Variants in STXBP4 observed in about 807,000 individuals in gnomAD.
STXBP4 encodes the protein syntaxin binding protein 4.
Under a neutral mutation model 76.1 loss-of-function variants are expected in STXBP4, and 55 were observed. The observed-to-expected ratio is 0.72, with a 90% CI of 0.58 to 0.91. STXBP4 has a LOEUF of 0.91. STXBP4 is among the 40% of genes least tolerant of loss of function. The probability of loss-of-function intolerance (pLI) is 0.00; values close to 1 mark genes in which losing one functional copy is unlikely to be tolerated. For missense variants in STXBP4, 618 were observed against 636.9 expected, an observed-to-expected ratio of 0.97 and a Z score of 0.32; for synonymous variants, 201 against 220.2, an observed-to-expected ratio of 0.91 and a Z score of 0.77.
chr17:55,135,386 A>G (rs78896610), intron 16 of STXBP4, among the ~76,000 whole-genome samples: 5 of 152,124 alleles, frequency 3.3e-5, no homozygotes, highest in East Asian at 1.9e-4. Flanking sequence ...TCAAACAACA[A>G]TGATGTATAT....
At chr17:55,132,728 C>T (rs1385948447) in intron 16 of STXBP4, among the ~76,000 whole-genome samples, 3 of 151,600 alleles carry the variant, frequency 2.0e-5, no homozygotes, top group Non-Finnish European at 4.4e-5. Context: ...AGGAAAGAAA[C>T]CAGGTTGAGG....
intron 16 of STXBP4, among the ~76,000 whole-genome samples, chr17:55,114,153 A>G (rs892279235): frequency 6.6e-6 from 1 of 151,746 alleles, no homozygotes; most frequent in African/African-American, 2.4e-5. Context: ...TTATCATTTT[A>G]TCTGTCATTC....
intron 1 of STXBP4, among the ~76,000 whole-genome samples, chr17:54,970,860 T>G (rs1009386181): frequency 1.3e-5 from 2 of 152,222 alleles, no homozygotes; most frequent in African/African-American, 4.8e-5. Context: ...TTGATAGCAA[T>G]GAAGTGGTGT....
intron 3 of STXBP4, among the ~76,000 whole-genome samples, chr17:54,987,368 A>G (rs1405133989): frequency 6.6e-6 from 1 of 152,200 alleles, no homozygotes; most frequent in Non-Finnish European, 1.5e-5. Flanking sequence ...GTATGTACAC[A>G]TGATAATTAT....
chr17:55,123,382 G>A (rs1054610554), intron 16 of STXBP4, among the ~76,000 whole-genome samples: 1 of 152,074 alleles, frequency 6.6e-6, no homozygotes, highest in Non-Finnish European at 1.5e-5. Context: ...TTGCATGCAG[G>A]TTTTTTTCCT....
intron 12 of STXBP4, among the ~76,000 whole-genome samples, chr17:55,061,054 T>A (rs547629136): frequency 6.6e-6 from 1 of 152,296 alleles, no homozygotes; most frequent in South Asian, 2.1e-4. Context: ...GTGTAAAGGT[T>A]GAGTTCAGTT....
intron 1 of STXBP4, among the ~76,000 whole-genome samples, chr17:54,980,832 G>T (rs913478770): frequency 1.3e-5 from 2 of 152,180 alleles, no homozygotes; most frequent in African/African-American, 4.8e-5. Context: ...GTAGAAACAG[G>T]CTTGTCCCAT....
chr17:55,041,927 G>A (rs554595571), intron 10 of STXBP4, among the ~76,000 whole-genome samples: 2 of 152,192 alleles, frequency 1.3e-5, no homozygotes, highest in Admixed American at 6.5e-5. Context: ...TTTAAAATGT[G>A]TTCAAAATTA....
intron 7 of STXBP4, among the ~76,000 whole-genome samples, chr17:55,001,331 G>C (rs2077910612): frequency 6.6e-6 from 1 of 151,812 alleles, no homozygotes; most frequent in Non-Finnish European, 1.5e-5. Context: ...AATTATAAAG[G>C]GTGTCAGTAT....
downstream of STXBP4, among the ~76,000 whole-genome samples, chr17:55,176,518 G>A (rs967648796): frequency 2.0e-5 from 3 of 152,146 alleles, no homozygotes; most frequent in Non-Finnish European, 4.4e-5. Flanking sequence ...AGTAAGCAGG[G>A]CTCAGATGCC....
intron 16 of STXBP4, among the ~76,000 whole-genome samples, chr17:55,133,693 C>T (rs563239102): frequency 6.6e-6 from 1 of 152,240 alleles, no homozygotes; most frequent in South Asian, 2.1e-4. Context: ...AAAGCTGTGT[C>T]TTTGCAGTCG....
chr17:55,090,070 A>C (rs969539688), intron 16 of STXBP4, among the ~76,000 whole-genome samples: 1 of 152,174 alleles, frequency 6.6e-6, no homozygotes, highest in Non-Finnish European at 1.5e-5. Flanking sequence ...ACTGACTGGC[A>C]GGAACCCTGG....
chr17:55,148,542 T>G (rs1009519236), intron 17 of STXBP4, among the ~76,000 whole-genome samples: 1 of 151,992 alleles, frequency 6.6e-6, no homozygotes, highest in East Asian at 1.9e-4. Flanking sequence ...AGCTTTTTTT[T>G]TTTTTCTTTT....
intron 12 of STXBP4, among the ~76,000 whole-genome samples, chr17:55,065,014 C>T (rs183703271): frequency 1.3e-5 from 2 of 152,170 alleles, no homozygotes; most frequent in East Asian, 1.9e-4. Flanking sequence ...AAATAGTTGT[C>T]GCAACCACTT....
At chr17:55,133,866 A>G (rs570255728) in intron 16 of STXBP4, among the ~76,000 whole-genome samples, 24 of 152,196 alleles carry the variant, frequency 1.6e-4, no homozygotes, top group Non-Finnish European at 2.4e-4. Context: ...AAGAGAATAA[A>G]TGAAAAGATG....
chr17:55,112,666 G>A (rs887623840), intron 16 of STXBP4, among the ~76,000 whole-genome samples: 6 of 152,196 alleles, frequency 3.9e-5, no homozygotes, highest in African/African-American at 1.4e-4. Flanking sequence ...AAAGAGATTG[G>A]GAGAAAGGTC....
chr17:55,184,928 G>A, the STXBP4 span, among the ~76,000 whole-genome samples: 97 of 152,214 alleles, frequency 6.4e-4, 2 homozygotes, highest in African/African-American at 2.1e-3. Context: ...GCTGAGTGCC[G>A]TGGTACCATC....
At chr17:55,092,893 C>G (rs2079434271) in intron 16 of STXBP4, among the ~76,000 whole-genome samples, 1 of 152,188 alleles carries the variant, frequency 6.6e-6, no homozygotes, top group Non-Finnish European at 1.5e-5. Flanking sequence ...CTCAGACATT[C>G]ATCATTCTTT....
chr17:55,202,543 G>T, the STXBP4 span, among the ~76,000 whole-genome samples: 1 of 152,000 alleles, frequency 6.6e-6, no homozygotes, highest in Non-Finnish European at 1.5e-5. Flanking sequence ...TTGGTTTAAA[G>T]GGTGTCTTGC....
Sources: gnomAD v4.1 joint callset for allele counts (sites outside exome capture counted in the v4.1 genomes callset) on GRCh38, gnomAD v4.1.1 for gene constraint, MANE v1.5 for transcripts, NCBI Gene and HGNC (gene_info 2026-07-23, HGNC 2026-07-21) for gene names.